The following ICE2 variants were observed in gnomAD, a reference collection of about 807,000 sequenced individuals.
The protein encoded by ICE2 is little elongation complex subunit 2.
A neutral mutation model predicts 105.4 loss-of-function variants in ICE2; 87 were observed. The observed-to-expected ratio is 0.83, with a 90% CI of 0.69 to 0.99. The LOEUF (loss-of-function observed/expected upper bound fraction) is 0.99. ICE2 is among the 50% of genes least tolerant of loss of function. The pLI, the probability that ICE2 is intolerant of heterozygous loss-of-function variation, is 0.00. For missense variants in ICE2, 1,323 were observed against 1,146.7 expected, an observed-to-expected ratio of 1.15 and a Z score of -2.22; for synonymous variants, 399 against 392.0, an observed-to-expected ratio of 1.02 and a Z score of -0.21.
intron 8 of ICE2, chr15:60,454,722 T>C (rs2064054019): frequency 1.0e-5 from 3 of 291,300 alleles, no homozygotes; most frequent in Non-Finnish European, 1.9e-5. Flanking sequence ...AGTTCGGGGA[T>C]ACATGTGGAG....
chr15:60,437,379 G>A (rs1230630156), intron 12 of ICE2, among the ~76,000 whole-genome samples: 2 of 151,574 alleles, frequency 1.3e-5, no homozygotes, highest in African/African-American at 4.8e-5. Flanking sequence ...TTGTTGCCCA[G>A]GCTGGAGTGC....
rs368912215 is a variant in ICE2 at position 60,466,584 on chromosome 15, G to T, written c.528+10C>A. 2.6e-5 allele frequency: 42 copies of T among 1,608,538 alleles called. No individual in the cohort carries two copies. Among genetic ancestry groups the T allele is most frequent in the Admixed American group, 6.8e-5 (4 of 59,192 alleles). Reference sequence around the variant, plus strand: ...TTCGCAATTTACACAAATGTGAGTTGTTTTTTTACCTCTGTGAAGAGACGG... The same window carrying T: ...TTCGCAATTTACACAAATGTGAGTTTTTTTTTTACCTCTGTGAAGAGACGG... On this transcript the variant is annotated intron_variant, in intron 5 of 15. Transcript: ENST00000261520.
At chr15:60,465,538 C>A (rs1026425300) in intron 5 of ICE2, among the ~76,000 whole-genome samples, 4 of 152,072 alleles carry the variant, frequency 2.6e-5, no homozygotes, top group Non-Finnish European at 5.9e-5. Flanking sequence ...TCAACTTAGA[C>A]TGGCTAGTTT....
At chr15:60,459,094 T>C (rs2141107476) in intron 5 of ICE2, among the ~76,000 whole-genome samples, 1 of 152,256 alleles carries the variant, frequency 6.6e-6, no homozygotes. Flanking sequence ...ACTTAAATGG[T>C]GAAAACGGTA....
intron 11 of ICE2, chr15:60,445,680 A>G: frequency 3.0e-6 from 3 of 985,266 alleles, no homozygotes; most frequent in Non-Finnish European, 3.6e-6. Context: ...CAAGTGAATT[A>G]CAATGTCCTT....
chr15:60,421,770 AG>A lies in ICE2; in HGVS notation c.*1863del, dbSNP rs1230027909. The A allele has an allele frequency of 6.6e-6, 1 of 152,222 alleles. No homozygotes were observed. The highest frequency in any genetic ancestry group is 2.4e-5 in the African/African-American group (1 of 41,466). 9.4% of individuals were successfully genotyped at this position (152,222 alleles called of 1,614,324 possible). A position where few individuals can be genotyped will look rare whatever the true frequency, so the allele number is the denominator to read the frequency against. On this transcript the variant is annotated 3_prime_UTR_variant, in exon 16 of 16. Transcript: ENST00000261520. ...AAACATTTCTGGGATATGTGACTTA[AG>A]GAATAAAAAAACTCAGTGTTTTATA... is the stretch of plus-strand genomic sequence containing the variant.
intron 13 of ICE2, among the ~76,000 whole-genome samples, chr15:60,434,634 C>T (rs1273318186): frequency 6.6e-6 from 1 of 151,784 alleles, no homozygotes; most frequent in African/African-American, 2.4e-5. Flanking sequence ...AACTGGAAGT[C>T]ATTATGTTAA....
chr15:60,436,074 T>A (rs1474138869), intron 13 of ICE2, 69 bp downstream of exon 13: 1 of 591,670 alleles, frequency 1.7e-6, no homozygotes, highest in East Asian at 3.3e-5. Context: ...GCTTAAACAA[T>A]ATTTAAAGAA....
intron 12 of ICE2, chr15:60,440,918 G>C (rs1432823510): frequency 6.6e-6 from 1 of 152,140 alleles, no homozygotes; most frequent in South Asian, 2.1e-4. Flanking sequence ...AGGATTCACA[G>C]AGAATAATCA....
rs116453211 is a variant in ICE2 at position 60,467,504 on chromosome 15, C to T, written c.408+557G>A. Among the ~76,000 whole-genome samples the T allele has an allele frequency of 7.1e-3, 1,073 of 152,080 alleles. 10 individuals are homozygous for T. Among genetic ancestry groups the T allele is most frequent in the African/African-American group, 0.025 (1,041 of 41,486 alleles). On this transcript the variant is annotated intron_variant, in intron 4 of 15. Coordinates refer to ENST00000261520, the MANE Select transcript of ICE2 (RefSeq NM_024611.6). ...TTTTTTCTTTTTTTAAATTTGATTTCGATTTTCTTTTACCTTACCCCTGTA... is the reference window on the plus strand; with the variant it reads ...TTTTTTCTTTTTTTAAATTTGATTTTGATTTTCTTTTACCTTACCCCTGTA...
Position 60,479,124 on chromosome 15 carries a change from C to G in ICE2, c.-214G>C, listed in dbSNP as rs1451200746. ...TATTTAAAGGATGTGGCCGCGCCGA[C>G]TCGGCCCTGCGTGATGACGTCTCAG... On this transcript the variant is annotated 5_prime_UTR_variant, in exon 1 of 16. Transcript: ENST00000261520. 1 of 417,830 alleles carries G rather than the reference C, an allele frequency of 2.4e-6. No individual in the cohort carries two copies. The highest frequency in any genetic ancestry group is 7.7e-5 in the East Asian group (1 of 12,988). The allele number at this position is 417,830 out of a possible 1,614,324, so 25.9% of individuals were successfully genotyped here.
In ICE2 at chr15:60,421,579, C is replaced by G. The variant is rs1566961960; in HGVS notation, c.*2055G>C. ...TTTAAAAATTAAAAGGCAAGTCTTT[C>G]TGGTATTCAGAAGTCTGAAGCAACC... On this transcript the variant is annotated 3_prime_UTR_variant, in exon 16 of 16. Transcript: ENST00000261520. 1 of 152,166 alleles carries G rather than the reference C, an allele frequency of 6.6e-6. No homozygotes were observed. Among genetic ancestry groups the G allele is most frequent in the Non-Finnish European group, 1.5e-5 (1 of 68,026 alleles). The allele number at this position is 152,166 out of a possible 1,614,324, so 9.4% of individuals were successfully genotyped here. A position where few individuals can be genotyped will look rare whatever the true frequency, so the allele number is the denominator to read the frequency against.
At chr15:60,473,353 G>A (rs143436437) in intron 3 of ICE2, among the ~76,000 whole-genome samples, 34 of 152,016 alleles carry the variant, frequency 2.2e-4, no homozygotes, top group East Asian at 1.4e-3. Context: ...GTGCAGTGGC[G>A]TCATCCTCGC....
At chr15:60,424,696 A>G (rs2063302490) in intron 15 of ICE2, among the ~76,000 whole-genome samples, 1 of 152,080 alleles carries the variant, frequency 6.6e-6, no homozygotes, top group Admixed American at 6.5e-5. Flanking sequence ...ATTAGTAGAG[A>G]TGGGGTTTCA....
At chr15:60,429,593 T>C (rs1282009515) in intron 14 of ICE2, among the ~76,000 whole-genome samples, 3 of 152,218 alleles carry the variant, frequency 2.0e-5, no homozygotes, top group African/African-American at 7.2e-5. Flanking sequence ...GGATCAAAGA[T>C]GTTAAGGAGA....
chr15:60,478,454 G>A (rs190953065), intron 1 of ICE2: 1 of 175,632 alleles, frequency 5.7e-6, no homozygotes, highest in Non-Finnish European at 1.2e-5. Flanking sequence ...GATTCTGGCA[G>A]GCACTTTATG....
chr15:60,458,161 G>A (rs996963343), intron 5 of ICE2, among the ~76,000 whole-genome samples: 2 of 151,934 alleles, frequency 1.3e-5, no homozygotes, highest in Non-Finnish European at 2.9e-5. Context: ...GTAGGTATTC[G>A]ATCAACTAAA....
chr15:60,473,982 C>T (rs2064682856), intron 3 of ICE2, among the ~76,000 whole-genome samples: 2 of 152,142 alleles, frequency 1.3e-5, no homozygotes, highest in South Asian at 4.1e-4. Context: ...AATCACAACT[C>T]ACTGCAGTCT....
intron 3 of ICE2, among the ~76,000 whole-genome samples, chr15:60,470,697 A>C (rs2141155671): frequency 6.6e-6 from 1 of 152,294 alleles, no homozygotes; most frequent in Non-Finnish European, 1.5e-5. Flanking sequence ...ACTTTAAATG[A>C]ACTTAAATAA....
Sources: gnomAD v4.1 joint callset for allele counts (sites outside exome capture counted in the v4.1 genomes callset) on GRCh38, gnomAD v4.1.1 for gene constraint, MANE v1.5 for transcripts, NCBI Gene and HGNC (gene_info 2026-07-23, HGNC 2026-07-21) for gene names.